The following SLC30A8 variants were observed in gnomAD, a reference collection of about 807,000 sequenced individuals.
SLC30A8 encodes the protein solute carrier family 30 member 8.
A neutral mutation model predicts 36.9 loss-of-function variants in SLC30A8; 27 were observed. The ratio of observed to expected loss-of-function variants is 0.73; its 90% CI spans 0.54 to 1.01. The LOEUF is 1.01. Ranked by LOEUF, SLC30A8 falls within the 50% of genes least tolerant of loss-of-function variation. SLC30A8 has a pLI of 0.00. For synonymous variants in SLC30A8, 164 were observed against 172.4 expected, an observed-to-expected ratio of 0.95 and a Z score of 0.38; for missense variants, 439 against 452.0, an observed-to-expected ratio of 0.97 and a Z score of 0.26.
In SLC30A8 at chr8:117,161,771, C is replaced by T. The variant is rs1822802503; in HGVS notation, c.606C>T (p.Gly202=). 6.2e-7 allele frequency: 1 copy of T among 1,613,762 alleles called. No individual in the cohort carries two copies. Among genetic ancestry groups the T allele is most frequent in the Middle Eastern group, 1.7e-4 (1 of 6,060 alleles). Reference sequence around the variant, plus strand: ...TGGTTTTGCACCAGAGATGCCTTGGCCACAATCACAAGGAAGTACAAGCCA... The same window carrying T: ...TGGTTTTGCACCAGAGATGCCTTGGTCACAATCACAAGGAAGTACAAGCCA... The part of the protein sequence containing the change: ...LTVVLHQRCL[G]HNHKEVQANA... The change falls in exon 5 of 8, where the codon GGC becomes GGT. Residue 202 remains glycine, a synonymous_variant. Transcript: ENST00000456015.
At chr8:117,125,342 TG>T (rs1407581277) in intron 2 of SLC30A8, among the ~76,000 whole-genome samples, 1 of 152,078 alleles carries the variant, frequency 6.6e-6, no homozygotes, top group Non-Finnish European at 1.5e-5. Context: ...CAGATTTGTG[TG>T]ACTCTAATGT....
Position 117,006,772 on chromosome 8 carries a change from ATTTTTTTTTT to A in SLC30A8, c.-265-32428_-265-32419del, listed in dbSNP as rs71305456. ...CTAAGACTGAGAGTTGAGTCAGGTAATTTTTTTTTTTTTTTTTTTTTTTTTTTTGAGACGG... is the reference window on the plus strand; with the variant it reads ...CTAAGACTGAGAGTTGAGTCAGGTAATTTTTTTTTTTTTTTTTTGAGACGG... On this transcript the variant is annotated intron_variant, in intron 1 of 10. Transcript: ENST00000427715. 0.016 allele frequency among the ~76,000 whole-genome samples: 1,243 copies of A among 78,972 alleles called. 73 individuals carry two copies. In the East Asian group the frequency reaches 0.21, roughly 13 times the overall value. The allele number at this position is 78,972 out of a possible 152,430, so 51.8% of individuals were successfully genotyped here.
intron 1 of SLC30A8, among the ~76,000 whole-genome samples, chr8:116,996,356 T>C (rs890563126): frequency 7.9e-5 from 12 of 152,236 alleles, no homozygotes; most frequent in Non-Finnish European, 1.6e-4. Flanking sequence ...CTTTATTTTA[T>C]TTTAATTAAT....
At chr8:117,018,666 C>T (rs907133859) in intron 1 of SLC30A8, among the ~76,000 whole-genome samples, 9 of 115,786 alleles carry the variant, frequency 7.8e-5, no homozygotes, top group East Asian at 6.9e-4. Context: ...CTGACTAGCC[C>T]CCCCCCCCCT....
In SLC30A8 at chr8:117,063,443, C is replaced by G. The variant is rs146603284; in HGVS notation, c.-226+24185C>G. Reference sequence around the variant, plus strand: ...CACATGTGACTTCTAATAAAGCAAGCAAAATATAAATCAGGCCATTTTTTT... The same window carrying G: ...CACATGTGACTTCTAATAAAGCAAGGAAAATATAAATCAGGCCATTTTTTT... On this transcript the variant is annotated intron_variant, in intron 2 of 10. Transcript: ENST00000427715. Among the ~76,000 whole-genome samples the G allele has an allele frequency of 7.3e-4, 111 of 152,200 alleles. 1 individual carries two copies. The highest frequency in any genetic ancestry group is 2.4e-3 in the African/African-American group (98 of 41,520).
rs879672710 is a variant in SLC30A8 at position 116,985,331 on chromosome 8, CACAAGT to C, written c.-266+34214_-266+34219del. Among the ~76,000 whole-genome samples the C allele has an allele frequency of 1.2e-3, 169 of 138,166 alleles. 1 individual carries two copies. Among genetic ancestry groups the C allele is most frequent in the Admixed American group, 2.2e-3 (31 of 14,022 alleles). The allele number at this position is 138,166 out of a possible 152,430, so 90.6% of individuals were successfully genotyped here. On this transcript the variant is annotated intron_variant, in intron 1 of 10. Coordinates refer to the SLC30A8 transcript ENST00000427715. Reference sequence around the variant, plus strand: ...ACACACACACACACACACACACACACACAAGTATGTATATCTTTTTTAAAACCCAAA... The same window carrying C: ...ACACACACACACACACACACACACACATGTATATCTTTTTTAAAACCCAAA...
chr8:117,071,326 C>T (rs1818325667), intron 2 of SLC30A8, among the ~76,000 whole-genome samples: 1 of 151,742 alleles, frequency 6.6e-6, no homozygotes, highest in African/African-American at 2.4e-5. Flanking sequence ...TTTTCATGTG[C>T]CTATTGGCCA....
intron 2 of SLC30A8, among the ~76,000 whole-genome samples, chr8:117,105,575 T>G (rs1328823535): frequency 2.0e-5 from 3 of 152,132 alleles, no homozygotes; most frequent in African/African-American, 7.2e-5. Flanking sequence ...TATCTGAAAT[T>G]TGTAGGGCAA....
chr8:117,102,435 T>A (rs1344181131), intron 2 of SLC30A8, among the ~76,000 whole-genome samples: 2 of 152,178 alleles, frequency 1.3e-5, no homozygotes, highest in Non-Finnish European at 2.9e-5. Flanking sequence ...CTAGTCAGGT[T>A]TTATTTAGCA....
intron 1 of SLC30A8, among the ~76,000 whole-genome samples, chr8:117,035,315 C>T (rs987170240): frequency 1.8e-4 from 27 of 152,212 alleles, no homozygotes; most frequent in South Asian, 2.1e-4. Flanking sequence ...ATAAATGCTC[C>T]CATTCCAAAT....
At chr8:117,096,785 T>C (rs1819382908) in intron 2 of SLC30A8, among the ~76,000 whole-genome samples, 1 of 152,134 alleles carries the variant, frequency 6.6e-6, no homozygotes. Flanking sequence ...TGACATATTG[T>C]CATATGACCA....
Position 116,980,546 on chromosome 8 carries a change from T to C in SLC30A8, c.-266+29427T>C, listed in dbSNP as rs553745230. Among the ~76,000 whole-genome samples, 171 of 152,268 alleles carry C rather than the reference T, an allele frequency of 1.1e-3. 3 individuals are homozygous for C. The highest frequency in any genetic ancestry group is 8.7e-3 in the South Asian group (42 of 4,820). ...AGTCATTGGCTGAGGTCTGGGGATA[T>C]AAAGTGTCATCTTGGCAAAAAGACT... On this transcript the variant is annotated intron_variant, in intron 1 of 10. Transcript: ENST00000427715.
At chr8:117,063,081 A>G (rs1818069656) in intron 2 of SLC30A8, among the ~76,000 whole-genome samples, 1 of 152,180 alleles carries the variant, frequency 6.6e-6, no homozygotes, top group Non-Finnish European at 1.5e-5. Flanking sequence ...TAGAGACCAC[A>G]CAAGCCAGAA....
intron 1 of SLC30A8, among the ~76,000 whole-genome samples, chr8:117,140,011 T>C (rs1721811007): frequency 6.6e-6 from 1 of 151,982 alleles, no homozygotes; most frequent in Non-Finnish European, 1.5e-5. Context: ...TCTCATAAAA[T>C]TGAGAATATC....
At chr8:117,015,612 G>A (rs1378630146) in intron 1 of SLC30A8, among the ~76,000 whole-genome samples, 1 of 151,968 alleles carries the variant, frequency 6.6e-6, no homozygotes, top group African/African-American at 2.4e-5. Context: ...AGGGGACATA[G>A]AATACAGGGT....
At chr8:117,058,137 A>G (rs1350299017) in intron 2 of SLC30A8, among the ~76,000 whole-genome samples, 1 of 152,144 alleles carries the variant, frequency 6.6e-6, no homozygotes, top group Non-Finnish European at 1.5e-5. Flanking sequence ...TCTCATGATT[A>G]GTGATGTTGA....
chr8:117,011,013 CA>C (rs1816326546), intron 1 of SLC30A8, among the ~76,000 whole-genome samples: 1 of 152,206 alleles, frequency 6.6e-6, no homozygotes, highest in Non-Finnish European at 1.5e-5. Flanking sequence ...GCCACAGATC[CA>C]AACCTTATCA....
chr8:116,978,197 A>G (rs1815119742), intron 1 of SLC30A8, among the ~76,000 whole-genome samples: 1 of 152,258 alleles, frequency 6.6e-6, no homozygotes, highest in South Asian at 2.1e-4. Flanking sequence ...GGTTACATAC[A>G]TAAAGTCTTA....
intron 2 of SLC30A8, among the ~76,000 whole-genome samples, chr8:117,057,485 A>G (rs778510440): frequency 5.9e-5 from 9 of 152,210 alleles, no homozygotes; most frequent in Non-Finnish European, 1.3e-4. Context: ...GAATTTATTC[A>G]TCTTATAATT....
Sources: gnomAD v4.1 joint callset for allele counts (sites outside exome capture counted in the v4.1 genomes callset) on GRCh38, gnomAD v4.1.1 for gene constraint, MANE v1.5 for transcripts, NCBI Gene and HGNC (gene_info 2026-07-23, HGNC 2026-07-21) for gene names.